Variants in NRXN3 observed in about 807,000 individuals in gnomAD.
NRXN3 encodes the protein neurexin III.
In NRXN3, 32 loss-of-function variants were observed where a neutral mutation model predicts 137.6. The ratio of observed to expected loss-of-function variants is 0.23; its 90% CI spans 0.18 to 0.31. NRXN3 has a LOEUF of 0.31. Among genes scored for constraint, NRXN3 ranks in the 10% least tolerant of loss-of-function variants. NRXN3 has a pLI of 1.00. For missense variants in NRXN3, 1,574 were observed against 2,062.5 expected (o/e 0.76, Z 4.59); for synonymous variants, 798 against 784.5 (o/e 1.02, Z -0.29).
intron 15 of NRXN3, among the ~76,000 whole-genome samples, chr14:79,299,717 G>T (rs1180525869): frequency 6.6e-6 from 1 of 152,022 alleles, no homozygotes; most frequent in Admixed American, 6.6e-5. Context: ...AAGTTTTAGG[G>T]CTGCAAGGAA....
At chr14:78,222,333 T>TACACACAC (rs72352115) in intron 1 of NRXN3, among the ~76,000 whole-genome samples, 1 of 148,444 alleles carries the variant, frequency 6.7e-6, no homozygotes, top group African/African-American at 2.5e-5. Flanking sequence ...CACACACACA[T>TACACACAC]ACACACACAC....
At chr14:79,534,712 G>T (rs1161419888) in intron 16 of NRXN3, among the ~76,000 whole-genome samples, 2 of 152,086 alleles carry the variant, frequency 1.3e-5, no homozygotes, top group Non-Finnish European at 2.9e-5. Context: ...AAAAGACCCT[G>T]CCTGCCAAGA....
chr14:79,620,603 A>C (rs1291656960), intron 16 of NRXN3, among the ~76,000 whole-genome samples: 2 of 152,162 alleles, frequency 1.3e-5, no homozygotes, highest in Non-Finnish European at 2.9e-5. Flanking sequence ...AAGAGAATTT[A>C]TGCCTGAATG....
At chr14:78,967,114 G>A in intron 12 of NRXN3, 94 bp from the exon 13 acceptor site, 1 of 1,007,922 alleles carries the variant, frequency 9.9e-7, no homozygotes, top group Non-Finnish European at 1.4e-6. Flanking sequence ...TTAGCATGGG[G>A]GATTTGAAGC....
rs375361680 is a variant in NRXN3, at chr14:78,766,844, C to T, written c.2045-36776C>T. On this transcript the variant is annotated intron_variant, in intron 8 of 20. Transcript: ENST00000335750. ...GCAGAATTCTTAAACTCTCACTCTCCTCATCTTTTAAAATGAGGTTTGAAA... is the reference window on the plus strand; with the variant it reads ...GCAGAATTCTTAAACTCTCACTCTCTTCATCTTTTAAAATGAGGTTTGAAA... Among the ~76,000 whole-genome samples the T allele has an allele frequency of 1.1e-4, 17 of 152,260 alleles. No homozygotes were observed. In the East Asian group the frequency reaches 2.1e-3, roughly 19 times the overall value.
At chr14:79,840,409 A>G (rs777919516) in intron 20 of NRXN3, among the ~76,000 whole-genome samples, 4 of 151,978 alleles carry the variant, frequency 2.6e-5, no homozygotes, top group African/African-American at 4.8e-5. Context: ...CTGAATATCA[A>G]TTCTCATTAT....
intron 1 of NRXN3, among the ~76,000 whole-genome samples, chr14:78,214,910 T>C (rs1397414746): frequency 6.6e-6 from 1 of 152,206 alleles, no homozygotes; most frequent in East Asian, 1.9e-4. Flanking sequence ...ATGCCTGGGT[T>C]CCATATGGGC....
intron 16 of NRXN3, among the ~76,000 whole-genome samples, chr14:79,555,969 A>G (rs1215226346): frequency 6.6e-6 from 1 of 152,142 alleles, no homozygotes; most frequent in African/African-American, 2.4e-5. Context: ...CTTACTTTTC[A>G]GTCAACCTCA....
intron 1 of NRXN3, among the ~76,000 whole-genome samples, chr14:78,235,472 T>A (rs536185152): frequency 4.7e-4 from 72 of 152,212 alleles, no homozygotes; most frequent in African/African-American, 1.7e-3. Flanking sequence ...CATGAGAAGA[T>A]CTGCTGAAGT....
At chr14:78,857,378 G>T (rs951705898) in intron 10 of NRXN3, among the ~76,000 whole-genome samples, 6 of 152,102 alleles carry the variant, frequency 3.9e-5, no homozygotes, top group Non-Finnish European at 7.4e-5. Context: ...GTTGAAATTC[G>T]CAATCCATTA....
chr14:79,354,992 G>A (rs371326334), intron 15 of NRXN3, among the ~76,000 whole-genome samples: 2 of 152,222 alleles, frequency 1.3e-5, no homozygotes, highest in South Asian at 2.1e-4. Context: ...TTCGACTTGC[G>A]GAGTTAGGTC....
chr14:79,398,873 G>A (rs1311856324), intron 15 of NRXN3, among the ~76,000 whole-genome samples: 1 of 151,934 alleles, frequency 6.6e-6, no homozygotes, highest in Non-Finnish European at 1.5e-5. Flanking sequence ...AGTCAGGCAT[G>A]GTGGTACATG....
At chr14:79,326,419 CA>C (rs2090883640) in intron 15 of NRXN3, among the ~76,000 whole-genome samples, 1 of 152,156 alleles carries the variant, frequency 6.6e-6, no homozygotes, top group Non-Finnish European at 1.5e-5. Context: ...AGTAAAGAAG[CA>C]AGGCTAGAAA....
At chr14:79,008,001 A>C (rs78161735) in intron 15 of NRXN3, among the ~76,000 whole-genome samples, 1,940 of 152,194 alleles carry the variant, frequency 0.013, 23 homozygotes, top group East Asian at 0.025. Flanking sequence ...CAAGCAGGAC[A>C]GCCCAAGGTG....
In NRXN3 at chr14:79,861,251, A is replaced by T; in HGVS notation, c.4094-91A>T. The T allele has an allele frequency of 3.3e-6, 5 of 1,535,682 alleles. No homozygotes were observed. Among genetic ancestry groups the T allele is most frequent in the Non-Finnish European group, 4.4e-6 (5 of 1,146,664 alleles). ...TGGTTGTGATGATGATGGCTTGGTG[A>T]TATCTGGGTATGGCTCAGGGGAAAC... On this transcript the variant is annotated intron_variant, in intron 20 of 20. Coordinates refer to ENST00000335750, the MANE Select transcript of NRXN3 (RefSeq NM_001330195.2). The surrounding 1 kb of genome is among the most constrained non-coding windows in gnomAD (Gnocchi z 5.4).
chr14:79,714,459 A>G (rs2098816739), intron 19 of NRXN3, among the ~76,000 whole-genome samples: 1 of 152,230 alleles, frequency 6.6e-6, no homozygotes, highest in Admixed American at 6.5e-5. Flanking sequence ...AAGAGGATAA[A>G]TAGCAAAACT....
At chr14:79,185,397 A>G (rs983189997) in intron 15 of NRXN3, among the ~76,000 whole-genome samples, 1 of 152,216 alleles carries the variant, frequency 6.6e-6, no homozygotes, top group Non-Finnish European at 1.5e-5. Context: ...TTCTAATTGT[A>G]AAAGATTCAT....
At chr14:79,697,988 A>C in intron 19 of NRXN3, 51 bp downstream of exon 19, 2 of 1,490,362 alleles carry the variant, frequency 1.3e-6, no homozygotes, top group Non-Finnish European at 1.9e-6. Flanking sequence ...TCTTTGCAAC[A>C]TTGTTATCAT....
At chr14:78,709,069 T>C (rs2098384489) in intron 6 of NRXN3, 148 bp from the exon 7 acceptor site, 3 of 647,566 alleles carry the variant, frequency 4.6e-6, no homozygotes, top group East Asian at 2.8e-5. Context: ...GATACCTTTT[T>C]GGTTCCTGTG....
Sources: allele counts gnomAD v4.1 joint callset (sites outside exome capture counted in the v4.1 genomes callset), GRCh38; gene constraint gnomAD v4.1.1; non-coding constraint Gnocchi (gnomAD v3.1); transcripts MANE v1.5; gene names NCBI Gene and HGNC (gene_info 2026-07-23, HGNC 2026-07-21).